The following PPDPFL variants were observed in gnomAD, a reference collection of about 807,000 sequenced individuals.
PPDPFL encodes the protein pancreatic progenitor cell differentiation and proliferation factor-like protein.
PPDPFL carries 12 observed loss-of-function variants against 12.6 expected under a neutral mutation model. The observed-to-expected ratio is 0.95, with a 90% CI of 0.61 to 1.54. The LOEUF is 1.54. PPDPFL is among the 40% of genes most tolerant of loss of function. The probability of loss-of-function intolerance (pLI) is 0.00; values close to 1 mark genes in which losing one functional copy is unlikely to be tolerated. For missense variants in PPDPFL, 114 were observed against 96.0 expected (o/e 1.19, Z -0.78); for synonymous variants, 24 against 32.7 (o/e 0.73, Z 0.91).
At chr8:49,057,422 A>T (rs995371249) in intron 1 of PPDPFL, among the ~76,000 whole-genome samples, 4 of 152,154 alleles carry the variant, frequency 2.6e-5, no homozygotes, top group African/African-American at 4.8e-5. Flanking sequence ...GATATGAAGG[A>T]GCAAAATTTT....
chr8:49,073,605 A>G (rs1029271224), intron 2 of PPDPFL, among the ~76,000 whole-genome samples: 2 of 152,194 alleles, frequency 1.3e-5, no homozygotes, highest in Non-Finnish European at 2.9e-5. Flanking sequence ...CTTATAAGAG[A>G]CATAGGTTTT....
At chr8:49,063,391 G>T (rs1358767822) in intron 1 of PPDPFL, among the ~76,000 whole-genome samples, 1 of 152,154 alleles carries the variant, frequency 6.6e-6, no homozygotes, top group Non-Finnish European at 1.5e-5. Context: ...ATTGCATCCT[G>T]GGAGAAATGG....
At chr8:49,065,280 T>A (rs1038751163) in intron 1 of PPDPFL, among the ~76,000 whole-genome samples, 1 of 152,166 alleles carries the variant, frequency 6.6e-6, no homozygotes, top group African/African-American at 2.4e-5. Context: ...GAGGTGGAAA[T>A]ATCTTGTTGC....
At chr8:49,054,530 T>C (rs1005105407) in intron 1 of PPDPFL, among the ~76,000 whole-genome samples, 16 of 152,144 alleles carry the variant, frequency 1.1e-4, no homozygotes, top group Non-Finnish European at 2.4e-4. Flanking sequence ...AGTTAAGATA[T>C]TAGTAGTTAA....
intron 1 of PPDPFL, among the ~76,000 whole-genome samples, chr8:49,056,524 C>T (rs898145527): frequency 6.6e-6 from 1 of 152,130 alleles, no homozygotes; most frequent in African/African-American, 2.4e-5. Flanking sequence ...GTCTTGTTAA[C>T]CTTCTGTATT....
rs182083736 is a variant in PPDPFL at position 49,056,153 on chromosome 8, G to A, written c.-45+1784G>A. Among the ~76,000 whole-genome samples, 614 of 152,228 alleles carry A rather than the reference G, an allele frequency of 4.0e-3. 11 individuals carry two copies. The highest frequency in any genetic ancestry group is 0.014 in the African/African-American group (593 of 41,568). ...CATATCCCTACTGCCTCTACAAGTA[G>A]GAGTTGTTCTCTACTGACTTCTCTG... On this transcript the variant is annotated intron_variant, in intron 1 of 4. Transcript: ENST00000517663.
intron 1 of PPDPFL, among the ~76,000 whole-genome samples, chr8:49,058,599 A>G (rs781076233): frequency 1.1e-4 from 16 of 152,226 alleles, no homozygotes; most frequent in Non-Finnish European, 1.5e-4. Context: ...GAAGCACTTT[A>G]TTTTGTTTAG....
chr8:49,063,493 G>A (rs1319678274), intron 1 of PPDPFL, among the ~76,000 whole-genome samples: 1 of 152,170 alleles, frequency 6.6e-6, no homozygotes, highest in Non-Finnish European at 1.5e-5. Context: ...GCTGTGGCAG[G>A]TGGATCTCCT....
chr8:49,074,720 G>T (rs1020597321), intron 4 of PPDPFL: 69 of 1,457,876 alleles, frequency 4.7e-5, no homozygotes, highest in Non-Finnish European at 6.0e-5. Context: ...TGCTGATTTT[G>T]ATTAGCTTCT....
At chr8:49,073,930 T>C (rs1585676765) in intron 2 of PPDPFL, 129 bp from the exon 3 acceptor site, 3 of 644,918 alleles carry the variant, frequency 4.7e-6, no homozygotes, top group East Asian at 2.7e-5. Context: ...AGTTTTTCAA[T>C]TCATGAATTC....
intron 4 of PPDPFL, 86 bp from the exon 5 acceptor site, chr8:49,075,066 C>T (rs575100092): frequency 9.7e-6 from 15 of 1,543,962 alleles, no homozygotes; most frequent in Non-Finnish European, 1.3e-5. Flanking sequence ...TCTTGACACT[C>T]TTTATCAAGT....
chr8:49,067,543 G>A (rs914168302), upstream of PPDPFL, among the ~76,000 whole-genome samples: 2 of 152,138 alleles, frequency 1.3e-5, no homozygotes, highest in African/African-American at 4.8e-5. Context: ...GACAACACAG[G>A]GCCATGGTGA....
chr8:49,060,870 T>C (rs1427711909), intron 1 of PPDPFL, among the ~76,000 whole-genome samples: 2 of 152,216 alleles, frequency 1.3e-5, no homozygotes, highest in African/African-American at 4.8e-5. Flanking sequence ...ATCTTACTTA[T>C]AATTGGTAAA....
upstream of PPDPFL, among the ~76,000 whole-genome samples, chr8:49,071,830 T>C (rs942611458): frequency 3.3e-5 from 5 of 152,212 alleles, no homozygotes; most frequent in African/African-American, 1.2e-4. Context: ...TAACTCACTG[T>C]CCATCTGTCC....
chr8:49,059,978 A>G (rs1336027108), intron 1 of PPDPFL, among the ~76,000 whole-genome samples: 1 of 152,190 alleles, frequency 6.6e-6, no homozygotes, highest in Non-Finnish European at 1.5e-5. Context: ...CCATCTGATA[A>G]AAGTTAATAC....
At position 49,074,131 on chromosome 8, in the gene PPDPFL, A is replaced by G. The variant is rs184442562; in HGVS notation, c.128A>G (p.Gln43Arg). Residue 43 changes from glutamine to arginine, a missense_variant, in exon 3 of 5, where the codon CAG (glutamine) becomes CGG (arginine). Coordinates refer to ENST00000522267, the MANE Select transcript of PPDPFL (RefSeq NM_001256597.2). ...AACTTCATAGATGACGACAAACCAC[A>G]GCAAGGTACTTAGTTATTTCTTTCA... is the stretch of plus-strand genomic sequence containing the variant. The part of the protein sequence containing the change: ...SVNFIDDDKP[Q>R]QGLPEVAEST... 2.4e-3 allele frequency: 3,810 copies of G among 1,611,778 alleles called. 5 individuals carry two copies. Among genetic ancestry groups the G allele is most frequent in the Non-Finnish European group, 2.8e-3 (3,350 of 1,177,924 alleles).
chr8:49,064,181 C>T (rs1808258022), intron 1 of PPDPFL, among the ~76,000 whole-genome samples: 1 of 152,130 alleles, frequency 6.6e-6, no homozygotes, highest in Non-Finnish European at 1.5e-5. Context: ...AAGGGCGAGC[C>T]ATATGAACAG....
intron 1 of PPDPFL, among the ~76,000 whole-genome samples, chr8:49,060,387 C>T (rs1398016042): frequency 1.3e-5 from 2 of 152,070 alleles, no homozygotes; most frequent in Non-Finnish European, 2.9e-5. Context: ...GATCTCGGCT[C>T]ACCTCAACCT....
chr8:49,072,850 T>A lies in PPDPFL; in HGVS notation c.20T>A (p.Ile7Asn). The change falls in exon 2 of 5, where the codon ATT becomes AAT. Residue 7 changes from isoleucine to asparagine, a missense_variant. By Grantham distance (149) the Ile-to-Asn change is moderately radical. Coordinates refer to ENST00000522267, the MANE Select transcript of PPDPFL (RefSeq NM_001256597.2). The part of the protein sequence containing the change: MASVPS[I>N]GCLLARNQYY... ...AAAGCCATGGCATCCGTACCTTCCA[T>A]TGGTTGCCTTCTAGCCAGAAATCAG... is the stretch of plus-strand genomic sequence containing the variant. The A allele has an allele frequency of 6.2e-7, 1 of 1,606,574 alleles. No individual in the cohort carries two copies. The highest frequency in any genetic ancestry group is 8.5e-7 in the Non-Finnish European group (1 of 1,177,092).
Sources: allele counts gnomAD v4.1 joint callset (sites outside exome capture counted in the v4.1 genomes callset), GRCh38; gene constraint gnomAD v4.1.1; transcripts MANE v1.5; gene names NCBI Gene and HGNC (gene_info 2026-07-23, HGNC 2026-07-21).